Variants in CTDP1 observed in about 807,000 individuals in gnomAD.
The protein encoded by CTDP1 is RNA polymerase II subunit A C-terminal domain phosphatase.
Under a neutral mutation model 91.8 loss-of-function variants are expected in CTDP1, and 47 were observed. The observed-to-expected ratio is 0.51, with a 90% CI of 0.41 to 0.65. The LOEUF is 0.65. Ranked by LOEUF, CTDP1 falls within the 30% of genes least tolerant of loss-of-function variation. The pLI is 0.00. For synonymous variants in CTDP1, 656 were observed against 598.5 expected (o/e 1.10, Z -1.40); for missense variants, 1,272 against 1,373.7 (o/e 0.93, Z 1.17).
rs139886712 is a variant in CTDP1, at chr18:79,738,567, C to G, written c.2747+2046C>G. Among the ~76,000 whole-genome samples the G allele has an allele frequency of 1.4e-4, 22 of 152,356 alleles. 1 individual carries two copies. The Middle Eastern group carries it at 0.017, about 118-fold the overall frequency. Reference sequence around the variant, plus strand: ...TGAAGAAGACAGTGCAGACTGCTTTCTTTCTCCCCACGTCTGGTCTTACTC... The same window carrying G: ...TGAAGAAGACAGTGCAGACTGCTTTGTTTCTCCCCACGTCTGGTCTTACTC... On this transcript the variant is annotated intron_variant, in intron 12 of 12. Coordinates refer to ENST00000613122, the MANE Select transcript of CTDP1 (RefSeq NM_004715.5).
At chr18:79,682,362 G>T (rs1178861869) in intron 1 of CTDP1, among the ~76,000 whole-genome samples, 2 of 152,246 alleles carry the variant, frequency 1.3e-5, no homozygotes, top group Non-Finnish European at 2.9e-5. Context: ...CAGCACCCCT[G>T]TGATGGGAGT....
chr18:79,698,038 A>C lies in CTDP1; in HGVS notation c.621+50A>C, dbSNP rs544364073. The C allele has an allele frequency of 6.8e-6, 11 of 1,608,838 alleles. 1 individual carries two copies. The South Asian group carries it at 8.8e-5, about 13-fold the overall frequency. ...CAGTTTCCCAGGAACCGCGGGTCCT[A>C]GAATTTTGATTCAGAAGTGTGTTCT... On this transcript the variant is annotated intron_variant, in intron 4 of 12. Coordinates refer to ENST00000613122, the MANE Select transcript of CTDP1 (RefSeq NM_004715.5).
At chr18:79,699,422 G>T (rs2085812547) in intron 4 of CTDP1, among the ~76,000 whole-genome samples, 2 of 151,956 alleles carry the variant, frequency 1.3e-5, no homozygotes, top group Admixed American at 1.3e-4. Flanking sequence ...CACCACACCT[G>T]GCTAATTTTT....
In CTDP1 at chr18:79,681,518, G is replaced by A. The variant is rs931490155; in HGVS notation, c.314+1257G>A. 6 of 984,210 alleles carry A rather than the reference G, an allele frequency of 6.1e-6. No homozygotes were observed. In the African/African-American group the frequency reaches 1.0e-4, roughly 17 times the overall value. 61.0% of individuals were successfully genotyped at this position (984,210 alleles called of 1,614,324 possible). A position where few individuals can be genotyped will look rare whatever the true frequency, so the allele number is the denominator to read the frequency against. ...GAAAGGGCTGCTTTGGCCTAGACAG[G>A]TGAGTAACTTGGTTATGTGGCAAGT... is the stretch of plus-strand genomic sequence containing the variant. On this transcript the variant is annotated intron_variant, in intron 1 of 12. Transcript: ENST00000613122.
intron 12 of CTDP1, among the ~76,000 whole-genome samples, chr18:79,742,263 G>A (rs2086796505): frequency 6.7e-6 from 1 of 149,212 alleles, no homozygotes; most frequent in South Asian, 2.1e-4. Flanking sequence ...GAGGGCAGCA[G>A]AGGAGGTGTG....
chr18:79,698,831 A>G (rs892429588), intron 4 of CTDP1, among the ~76,000 whole-genome samples: 6 of 152,200 alleles, frequency 3.9e-5, no homozygotes, highest in African/African-American at 1.4e-4. Flanking sequence ...TGGAGGATGC[A>G]CCACGGAGCC....
chr18:79,728,854 A>G (rs1168726301), intron 10 of CTDP1, 53 bp from the exon 11 acceptor site: 6 of 1,590,994 alleles, frequency 3.8e-6, no homozygotes, highest in Non-Finnish European at 4.3e-6. Flanking sequence ...CGGTGCGGAA[A>G]AGTGCCATTC....
chr18:79,700,746 C>A (rs965512648), intron 4 of CTDP1, among the ~76,000 whole-genome samples: 1 of 152,214 alleles, frequency 6.6e-6, no homozygotes, highest in Non-Finnish European at 1.5e-5. Flanking sequence ...GACAAAACAG[C>A]CTTCTGTTGG....
intron 1 of CTDP1, chr18:79,681,296 C>G (rs73007486): frequency 2.2e-4 from 41 of 186,356 alleles, no homozygotes; most frequent in African/African-American, 9.7e-4. Flanking sequence ...CACTCCTGCC[C>G]CCTGCGTGCT....
At chr18:79,679,317 G>A (rs139130934), upstream of CTDP1, 55 of 427,412 alleles carry the variant, frequency 1.3e-4, no homozygotes, top group Non-Finnish European at 1.9e-4. Context: ...CCACCAGGAC[G>A]CCGACAGCCT....
intron 4 of CTDP1, among the ~76,000 whole-genome samples, chr18:79,698,369 A>G (rs2085789602): frequency 1.3e-5 from 2 of 151,964 alleles, no homozygotes; most frequent in East Asian, 3.9e-4. Flanking sequence ...GGATGCCTTT[A>G]TGTTGCTAGG....
intron 12 of CTDP1, among the ~76,000 whole-genome samples, chr18:79,752,041 G>A (rs925498536): frequency 6.6e-6 from 1 of 152,202 alleles, no homozygotes; most frequent in African/African-American, 2.4e-5. Context: ...GCAGTGGGAC[G>A]TCCCAGCACG....
chr18:79,723,888 C>A (rs2086394467), intron 10 of CTDP1, among the ~76,000 whole-genome samples: 1 of 152,226 alleles, frequency 6.6e-6, no homozygotes, highest in South Asian at 2.1e-4. Flanking sequence ...TGGCCCTCCT[C>A]CCTCAGCCAG....
intron 12 of CTDP1, among the ~76,000 whole-genome samples, chr18:79,741,564 G>GT (rs2086778733): frequency 6.6e-6 from 1 of 152,130 alleles, no homozygotes; most frequent in Admixed American, 6.5e-5. Flanking sequence ...TGGTGCCCCC[G>GT]TTTCCTGTCC....
In CTDP1 at chr18:79,717,240, C is replaced by G. The variant is rs527453429; in HGVS notation, c.2069-295C>G. ...GGTGGGGTGCAGCCGAGTGAGGGCC[C>G]TGAGCCCTGGTGGGGTACAGCTGGG... On this transcript the variant is annotated intron_variant, in intron 8 of 12. Transcript: ENST00000613122. Among the ~76,000 whole-genome samples, 3 of 150,338 alleles carry G rather than the reference C, an allele frequency of 2.0e-5. No individual in the cohort carries two copies. In the South Asian group the frequency reaches 6.3e-4, roughly 32 times the overall value.
chr18:79,709,768 A>T (rs2086042814), intron 5 of CTDP1, among the ~76,000 whole-genome samples: 2 of 152,208 alleles, frequency 1.3e-5, no homozygotes, highest in Non-Finnish European at 2.9e-5. Flanking sequence ...TAATAGTTAG[A>T]AATAACCGGC....
chr18:79,682,312 G>T (rs1030208267), intron 1 of CTDP1, among the ~76,000 whole-genome samples: 1 of 152,256 alleles, frequency 6.6e-6, no homozygotes, highest in Non-Finnish European at 1.5e-5. Flanking sequence ...CTTGTTGACA[G>T]ATTTTGTGAA....
chr18:79,714,993 G>T lies in CTDP1; in HGVS notation c.1533G>T (p.Pro511=), dbSNP rs372918349. 6 of 1,581,252 alleles carry T rather than the reference G, an allele frequency of 3.8e-6. No individual in the cohort carries two copies. Among genetic ancestry groups the T allele is most frequent in the Non-Finnish European group, 5.2e-6 (6 of 1,164,794 alleles). The part of the protein sequence containing the change: ...SSLEPGRPAA[P]SLPGEAEPGA... ...TGGAGCCGGGGCGGCCTGCAGCACCGAGTCTCCCCGGAGAGGCCGAGCCTG... is the reference window on the plus strand; with the variant it reads ...TGGAGCCGGGGCGGCCTGCAGCACCTAGTCTCCCCGGAGAGGCCGAGCCTG... The change falls in exon 8 of 13, where the codon CCG becomes CCT. Residue 511 remains proline (P), a synonymous_variant. Coordinates refer to ENST00000613122, the MANE Select transcript of CTDP1 (RefSeq NM_004715.5).
At chr18:79,690,557 G>A (rs925837578) in intron 1 of CTDP1, among the ~76,000 whole-genome samples, 1 of 152,232 alleles carries the variant, frequency 6.6e-6, no homozygotes, top group African/African-American at 2.4e-5. Context: ...TGGAATGAGA[G>A]CGTTCAGGGC....
Sources: allele counts gnomAD v4.1 joint callset (sites outside exome capture counted in the v4.1 genomes callset), GRCh38; gene constraint gnomAD v4.1.1; transcripts MANE v1.5; gene names NCBI Gene and HGNC (gene_info 2026-07-23, HGNC 2026-07-21).